Variants in DLGAP1 observed in about 807,000 individuals in gnomAD.
DLGAP1 encodes the protein disks large-associated protein 1.
A neutral mutation model predicts 90.8 loss-of-function variants in DLGAP1; 11 were observed. The ratio of observed to expected loss-of-function variants is 0.12; its 90% confidence interval spans 0.08 to 0.20. The LOEUF (loss-of-function observed/expected upper bound fraction) is 0.20. Ranked by LOEUF, DLGAP1 falls within the 10% of genes least tolerant of loss-of-function variation. DLGAP1 has a pLI of 1.00. For synonymous variants in DLGAP1, 558 were observed against 540.7 expected (o/e 1.03, Z -0.44); for missense variants, 1,050 against 1,333.8 (o/e 0.79, Z 3.31).
At chr18:3,930,213 C>T (rs2072485248) in intron 3 of DLGAP1, among the ~76,000 whole-genome samples, 2 of 152,166 alleles carry the variant, frequency 1.3e-5, no homozygotes, top group Non-Finnish European at 2.9e-5. Flanking sequence ...CTGCTGTGAA[C>T]ACATTCTTTT....
intron 2 of DLGAP1, among the ~76,000 whole-genome samples, chr18:4,105,756 C>T (rs553897698): frequency 1.3e-5 from 2 of 152,200 alleles, no homozygotes; most frequent in South Asian, 2.1e-4. Flanking sequence ...TTAGGCCGGG[C>T]GCGGTGGCTC....
intron 5 of DLGAP1, among the ~76,000 whole-genome samples, chr18:3,761,911 G>T (rs1000907696): frequency 6.6e-6 from 1 of 152,112 alleles, no homozygotes; most frequent in African/African-American, 2.4e-5. Flanking sequence ...TATATACCCA[G>T]AAGTAGGAAT....
At chr18:3,543,259 C>T (rs952509252) in intron 9 of DLGAP1, among the ~76,000 whole-genome samples, 1 of 149,496 alleles carries the variant, frequency 6.7e-6, no homozygotes, top group African/African-American at 2.5e-5. Context: ...CAAGCTCCGC[C>T]TCCCGCGTTC....
rs1041488983 is a variant in DLGAP1 at position 4,089,970 on chromosome 18, G to C, written c.-159+61210C>G. On this transcript the variant is annotated intron_variant, in intron 2 of 12. Transcript: ENST00000315677. The stretch of plus-strand genomic sequence containing the variant: ...TGAGGCAGGAGAATGGCGTGAACCC[G>C]GGAGGCGGAGTTTGCAGTGAGCCAA... Among the ~76,000 whole-genome samples the C allele has an allele frequency of 6.6e-5, 10 of 152,232 alleles. No homozygotes were observed. In the East Asian group the frequency reaches 1.4e-3, roughly 21 times the overall value.
At chr18:3,979,422 C>T (rs535742933) in intron 3 of DLGAP1, among the ~76,000 whole-genome samples, 11 of 147,882 alleles carry the variant, frequency 7.4e-5, no homozygotes, top group African/African-American at 2.3e-4. Flanking sequence ...TCAGTGTTTT[C>T]GCCTAATGAT....
At chr18:3,647,066 C>A (rs1341371360) in intron 7 of DLGAP1, among the ~76,000 whole-genome samples, 1 of 151,978 alleles carries the variant, frequency 6.6e-6, no homozygotes, top group Non-Finnish European at 1.5e-5. Flanking sequence ...CTGACCAACA[C>A]GGTGAAACCC....
intron 2 of DLGAP1, among the ~76,000 whole-genome samples, chr18:4,107,112 T>A (rs2075881626): frequency 6.6e-6 from 1 of 152,244 alleles, no homozygotes; most frequent in African/African-American, 2.4e-5. Flanking sequence ...GTTTTAAAAC[T>A]GCCTAGCTAA....
At chr18:4,147,845 G>A (rs1235522673) in intron 2 of DLGAP1, among the ~76,000 whole-genome samples, 1 of 152,148 alleles carries the variant, frequency 6.6e-6, no homozygotes. Context: ...GACTCAAACT[G>A]TAACGCAGAA....
At chr18:3,597,218 T>C (rs759714642) in intron 7 of DLGAP1, 45 of 516,914 alleles carry the variant, frequency 8.7e-5, no homozygotes, top group Non-Finnish European at 5.4e-5. Flanking sequence ...CCTCCTAGTA[T>C]CATTTCATGA....
intron 6 of DLGAP1, among the ~76,000 whole-genome samples, chr18:3,738,791 A>C (rs1470947545): frequency 6.7e-6 from 1 of 149,494 alleles, no homozygotes; most frequent in East Asian, 2.0e-4. Flanking sequence ...TAATTAAACT[A>C]AAGAGCTTCT....
intron 7 of DLGAP1, among the ~76,000 whole-genome samples, chr18:3,636,493 C>T (rs564100540): frequency 6.6e-6 from 1 of 151,732 alleles, no homozygotes; most frequent in African/African-American, 2.4e-5. Flanking sequence ...CTCACTGTAA[C>T]CTCCACCTCC....
In DLGAP1 at chr18:3,711,407, G is replaced by T. The variant is rs1197916704; in HGVS notation, c.1591+17728C>A. Among the ~76,000 whole-genome samples the T allele has an allele frequency of 6.6e-6, 1 of 152,178 alleles. No homozygotes were observed. Among genetic ancestry groups the T allele is most frequent in the Non-Finnish European group, 1.5e-5 (1 of 68,034 alleles). ...TTTATAAAATGTATATGCCCAATTAGTCTATTGGAACAAAAATAGAATGTA... is the reference window on the plus strand; with the variant it reads ...TTTATAAAATGTATATGCCCAATTATTCTATTGGAACAAAAATAGAATGTA... On this transcript the variant is annotated intron_variant, in intron 7 of 12. Coordinates refer to ENST00000315677, the MANE Select transcript of DLGAP1 (RefSeq NM_004746.4). This position sits in a 1 kb window ranked among gnomAD's most constrained non-coding sequence, Gnocchi z 4.0.
intron 1 of DLGAP1, among the ~76,000 whole-genome samples, chr18:4,391,241 G>C (rs2082333951): frequency 6.6e-6 from 1 of 152,102 alleles, no homozygotes; most frequent in African/African-American, 2.4e-5. Flanking sequence ...TGCAACTAGG[G>C]AAACTCAACC....
chr18:3,909,895 G>GA (rs1427975764), intron 3 of DLGAP1, among the ~76,000 whole-genome samples: 4 of 151,892 alleles, frequency 2.6e-5, no homozygotes, highest in Admixed American at 2.0e-4. Flanking sequence ...GAGTTTTTGA[G>GA]AAAAAATACA....
intron 7 of DLGAP1, among the ~76,000 whole-genome samples, chr18:3,652,517 G>C (rs2059350373): frequency 6.6e-6 from 1 of 151,958 alleles, no homozygotes; most frequent in South Asian, 2.1e-4. Context: ...ATTTTTTGTA[G>C]AGATGAGGGG....
intron 4 of DLGAP1, among the ~76,000 whole-genome samples, chr18:3,845,010 G>T (rs1472843668): frequency 6.6e-6 from 1 of 152,048 alleles, no homozygotes; most frequent in Non-Finnish European, 1.5e-5. Flanking sequence ...TAAAAAGCTG[G>T]ATTTCTCCCT....
chr18:3,629,196 C>T (rs1389743048), intron 7 of DLGAP1, among the ~76,000 whole-genome samples: 1 of 151,970 alleles, frequency 6.6e-6, no homozygotes, highest in African/African-American at 2.4e-5. Flanking sequence ...CTTTGGGAGG[C>T]CAAGACAGGA....
At chr18:3,523,847 C>CA (rs36093730) in intron 10 of DLGAP1, among the ~76,000 whole-genome samples, 47,574 of 114,046 alleles carry the variant, frequency 0.42, 8,074 homozygotes, top group East Asian at 0.53. Flanking sequence ...GACTCTGTCT[C>CA]AAAAAAAAAA....
In DLGAP1 at chr18:3,908,418, TGGCG is replaced by T. The variant is rs34231373; in HGVS notation, c.-72-28282_-72-28279del. On this transcript the variant is annotated intron_variant, in intron 3 of 12. Coordinates refer to ENST00000315677, the MANE Select transcript of DLGAP1 (RefSeq NM_004746.4). ...AACTATAGAATTTTGCTCTTAAATT[TGGCG>T]AGCTGTGATTCAAGATCCTCATCAG... is the stretch of plus-strand genomic sequence containing the variant. Among the ~76,000 whole-genome samples, 643 of 152,334 alleles carry T rather than the reference TGGCG, an allele frequency of 4.2e-3. 3 individuals carry two copies. The highest frequency in any genetic ancestry group is 0.015 in the African/African-American group (611 of 41,574).
Sources: allele counts gnomAD v4.1 joint callset (sites outside exome capture counted in the v4.1 genomes callset), GRCh38; gene constraint gnomAD v4.1.1; non-coding constraint Gnocchi (gnomAD v3.1); transcripts MANE v1.5; gene names NCBI Gene and HGNC (gene_info 2026-07-23, HGNC 2026-07-21).